SYNE3: variants seen among roughly 807,000 people sequenced by gnomAD.
SYNE3 encodes nesprin-3.
In SYNE3, 100 loss-of-function variants were observed where a neutral mutation model predicts 111.2. That is an observed-to-expected ratio of 0.90 (90% CI 0.77 to 1.06). SYNE3 has a LOEUF of 1.06. Among genes scored for constraint, SYNE3 ranks in the 50% least tolerant of loss-of-function variants. SYNE3 has a pLI of 0.00. For missense variants in SYNE3, 1,160 were observed against 1,240.3 expected, an observed-to-expected ratio of 0.94 and a Z score of 0.97; for synonymous variants, 547 against 533.9, an observed-to-expected ratio of 1.02 and a Z score of -0.34.
At chr14:95,490,450 G>A (rs1372111768) in intron 1 of SYNE3, among the ~76,000 whole-genome samples, 1 of 152,206 alleles carries the variant, frequency 6.6e-6, no homozygotes, top group African/African-American at 2.4e-5. Context: ...ATCCTATCAG[G>A]TAGATGCCAT....
rs141687312 is a variant in SYNE3 at position 95,438,813 on chromosome 14, C to T, written c.2376+220G>A. On this transcript the variant is annotated intron_variant, in intron 14 of 17. Coordinates refer to ENST00000682763, the MANE Select transcript of SYNE3 (RefSeq NM_152592.6). ...AGGGATACCCCTACTGCCCTGGTGG[C>T]CTGGCTCTGCAGACTCTGGGATCTC... 5.6e-4 allele frequency: 314 copies of T among 561,024 alleles called. No homozygotes were observed. The East Asian group carries it at 8.7e-3, about 16-fold the overall frequency. 34.8% of individuals were successfully genotyped at this position (561,024 alleles called of 1,614,324 possible).
At chr14:95,457,455 G>T in intron 4 of SYNE3, 117 bp from the exon 5 acceptor site, 1 of 1,217,522 alleles carries the variant, frequency 8.2e-7, no homozygotes, top group Non-Finnish European at 1.1e-6. Context: ...TTAGCAGGGG[G>T]TGCAACCAAC....
At position 95,413,027 on chromosome 14, in the gene SYNE3, G is replaced by A. The variant is rs994942490; in HGVS notation, c.*4799C>T. On this transcript the variant is annotated 3_prime_UTR_variant, in exon 18 of 18. Coordinates refer to ENST00000682763, the MANE Select transcript of SYNE3 (RefSeq NM_152592.6). ...AAATCCTATGGAAAGAAAAACTCAA[G>A]TTGTTCCCTCGTATTGTTTCACTTG... The A allele has an allele frequency of 6.6e-6, 1 of 152,188 alleles. No homozygotes were observed. Among genetic ancestry groups the A allele is most frequent in the African/African-American group, 2.4e-5 (1 of 41,420 alleles). 9.4% of individuals were successfully genotyped at this position (152,188 alleles called of 1,614,324 possible).
chr14:95,429,603 G>A (rs1712876888), intron 17 of SYNE3, among the ~76,000 whole-genome samples: 2 of 152,148 alleles, frequency 1.3e-5, no homozygotes, highest in African/African-American at 4.8e-5. Context: ...CTTCACAGTG[G>A]GCTGAGATCC....
At position 95,477,604 on chromosome 14, in the gene SYNE3, G is replaced by A. The variant is rs142050383; in HGVS notation, c.-14-1769C>T. The stretch of plus-strand genomic sequence containing the variant: ...GGGGAGAACCCACAAGAGAGAAGGA[G>A]AAAATGGAAGAGGCCATCAGACGCG... On this transcript the variant is annotated intron_variant, in intron 1 of 17. Transcript: ENST00000682763. Among the ~76,000 whole-genome samples, 64 of 152,312 alleles carry A rather than the reference G, an allele frequency of 4.2e-4. No individual in the cohort carries two copies. The East Asian group carries it at 0.012, about 28-fold the overall frequency.
At chr14:95,513,738 T>TATATATATATAC (rs1890806064) in intron 1 of SYNE3, among the ~76,000 whole-genome samples, 1 of 3,966 alleles carries the variant, frequency 2.5e-4, no homozygotes, top group South Asian at 5.0e-3. Context: ...CTGCTTAGAT[T>TATATATATATAC]ATATATATAT....
intron 1 of SYNE3, among the ~76,000 whole-genome samples, chr14:95,512,343 T>C (rs988385355): frequency 3.9e-5 from 6 of 152,140 alleles, no homozygotes; most frequent in Non-Finnish European, 7.3e-5. Context: ...ATATATATAA[T>C]GGAATATATG....
At chr14:95,428,664 A>G (rs1323773892) in intron 17 of SYNE3, among the ~76,000 whole-genome samples, 1 of 152,222 alleles carries the variant, frequency 6.6e-6, no homozygotes, top group Non-Finnish European at 1.5e-5. Flanking sequence ...TCCCTGGGCC[A>G]ATGCAAGGAA....
chr14:95,471,843 T>A (rs1804873297), intron 2 of SYNE3, among the ~76,000 whole-genome samples: 1 of 152,124 alleles, frequency 6.6e-6, no homozygotes, highest in Non-Finnish European at 1.5e-5. Flanking sequence ...GGGGATCGGA[T>A]GTAAGGAAAC....
intron 2 of SYNE3, 48 bp downstream of exon 2, chr14:95,475,630 G>T (rs77155858): frequency 2.1e-6 from 3 of 1,395,508 alleles, no homozygotes; most frequent in Admixed American, 2.8e-5. Flanking sequence ...GGGCGGGGTG[G>T]GATGGGGCCA....
chr14:95,472,734 ACCCAGGAGCGATGGGTTC>A (rs1031301963), intron 2 of SYNE3, among the ~76,000 whole-genome samples: 1 of 152,142 alleles, frequency 6.6e-6, no homozygotes, highest in African/African-American at 2.4e-5. Flanking sequence ...CAAGCTCTCA[ACCCAGGAGCGATGGGTTC>A]TCCAATCACA....
Position 95,433,387 on chromosome 14 carries a change from T to C in SYNE3, c.2561A>G (p.Glu854Gly). Residue 854 changes from glutamate to glycine, a missense_variant, in exon 16 of 18, where the codon GAA becomes GGA. Glu to Gly is a moderately conservative substitution (Grantham distance 98). Coordinates refer to ENST00000682763, the MANE Select transcript of SYNE3 (RefSeq NM_152592.6). ...GAGGTTCTCAAAGAGATGCTGACCT[T>C]CTGGCACCCGAGCCTCCAGCTCCTG... is the stretch of plus-strand genomic sequence containing the variant. ...KLQELEARVP[E>G]GQHLFENLLR... The C allele has an allele frequency of 6.2e-7, 1 of 1,614,082 alleles. No individual in the cohort carries two copies. Among genetic ancestry groups the C allele is most frequent in the Non-Finnish European group, 8.5e-7 (1 of 1,179,970 alleles).
chr14:95,486,514 C>T (rs1889557896), intron 1 of SYNE3, among the ~76,000 whole-genome samples: 1 of 152,160 alleles, frequency 6.6e-6, no homozygotes, highest in African/African-American at 2.4e-5. Context: ...GCTGGCTGGC[C>T]CTGCCTTCCC....
chr14:95,431,885 A>T (rs1006021607), intron 17 of SYNE3, among the ~76,000 whole-genome samples, 194 bp downstream of exon 17: 9 of 152,162 alleles, frequency 5.9e-5, no homozygotes, highest in Non-Finnish European at 1.0e-4. Flanking sequence ...GCCTCCCCCC[A>T]AGCCTGGGGC....
intron 8 of SYNE3, among the ~76,000 whole-genome samples, chr14:95,446,297 C>T (rs73339176): frequency 0.052 from 7,990 of 152,222 alleles, 649 homozygotes; most frequent in African/African-American, 0.17. Flanking sequence ...AACTTTGATT[C>T]CTCTCTCCCC....
chr14:95,504,787 C>T (rs1890467204), intron 1 of SYNE3, among the ~76,000 whole-genome samples: 1 of 151,872 alleles, frequency 6.6e-6, no homozygotes, highest in Admixed American at 6.6e-5. Flanking sequence ...TCGAGATCAG[C>T]CTGAACAACA....
chr14:95,493,824 G>T (rs776005062), intron 1 of SYNE3, among the ~76,000 whole-genome samples: 4 of 152,162 alleles, frequency 2.6e-5, no homozygotes, highest in Admixed American at 1.3e-4. Flanking sequence ...TTGGAATTCC[G>T]GTGAGGAATA....
At chr14:95,498,986 A>G (rs1449985964) in intron 1 of SYNE3, among the ~76,000 whole-genome samples, 1 of 152,226 alleles carries the variant, frequency 6.6e-6, no homozygotes, top group East Asian at 1.9e-4. Flanking sequence ...CTTTTAATTT[A>G]ATAACTGGCA....
In SYNE3 at chr14:95,413,672, C is replaced by G. The variant is rs1472555768; in HGVS notation, c.*4154G>C. The G allele has an allele frequency of 6.6e-6, 1 of 152,274 alleles. No homozygotes were observed. Among genetic ancestry groups the G allele is most frequent in the Non-Finnish European group, 1.5e-5 (1 of 68,138 alleles). The allele number at this position is 152,274 out of a possible 1,614,324, so 9.4% of individuals were successfully genotyped here. On this transcript the variant is annotated 3_prime_UTR_variant, in exon 18 of 18. Coordinates refer to ENST00000682763, the MANE Select transcript of SYNE3 (RefSeq NM_152592.6). Reference sequence around the variant, plus strand: ...GCAGAGGGTCCCCAGCTTCCTTCCCCTGAAGATGCCCGGAGACAAGCATCT... The same window carrying G: ...GCAGAGGGTCCCCAGCTTCCTTCCCGTGAAGATGCCCGGAGACAAGCATCT...
Sources: allele counts gnomAD v4.1 joint callset (sites outside exome capture counted in the v4.1 genomes callset), GRCh38; gene constraint gnomAD v4.1.1; transcripts MANE v1.5; gene names NCBI Gene and HGNC (gene_info 2026-07-23, HGNC 2026-07-21).